Variants in SPTBN1 observed in about 807,000 individuals in gnomAD.
The protein encoded by SPTBN1 is spectrin beta chain, non-erythrocytic 1.
SPTBN1 carries 32 observed loss-of-function variants against 266.4 expected under a neutral mutation model. The ratio of observed to expected loss-of-function variants is 0.12; its 90% CI spans 0.09 to 0.16. The LOEUF (loss-of-function observed/expected upper bound fraction) is 0.16, where lower values mean the gene tolerates loss of function less well. SPTBN1 is among the 10% of genes least tolerant of loss of function. The pLI is 1.00. For missense variants in SPTBN1, 2,296 were observed against 3,067.1 expected (o/e 0.75, Z 5.94); for synonymous variants, 1,336 against 1,162.2 (o/e 1.15, Z -3.04).
At chr2:54,500,329 G>A (rs1669184193) in intron 1 of SPTBN1, among the ~76,000 whole-genome samples, 1 of 152,162 alleles carries the variant, frequency 6.6e-6, no homozygotes, top group Non-Finnish European at 1.5e-5. Context: ...AAGACTCAGT[G>A]GGCCTCAGGT....
chr2:54,587,538 A>G (rs866654420), intron 2 of SPTBN1, among the ~76,000 whole-genome samples: 7 of 152,184 alleles, frequency 4.6e-5, no homozygotes, highest in African/African-American at 1.2e-4. Context: ...TTTTAAGGGC[A>G]TTGCAAGTTA....
chr2:54,629,375 C>G lies in SPTBN1; in HGVS notation c.2241C>G (p.His747Gln). Residue 747 changes from histidine (H) to glutamine (Q), a missense_variant, in exon 14 of 36, where the codon CAC (histidine) becomes CAG (glutamine). Coordinates refer to ENST00000356805, the MANE Select transcript of SPTBN1 (RefSeq NM_003128.3). Reference sequence around the variant, plus strand: ...GCCTGGAGGAGGCCTCCCTGCTGCACCAGTTCCAGGCAGATGCTGATGACA... The same window carrying G: ...GCCTGGAGGAGGCCTCCCTGCTGCAGCAGTTCCAGGCAGATGCTGATGACA... ...KKRLEEASLL[H>Q]QFQADADDID... 1 of 1,614,148 alleles carries G rather than the reference C, an allele frequency of 6.2e-7. No individual in the cohort carries two copies. Among genetic ancestry groups the G allele is most frequent in the Non-Finnish European group, 8.5e-7 (1 of 1,180,052 alleles).
At chr2:54,462,559 A>T (rs1244332721) in intron 1 of SPTBN1, among the ~76,000 whole-genome samples, 1 of 152,192 alleles carries the variant, frequency 6.6e-6, no homozygotes, top group Admixed American at 6.5e-5. Flanking sequence ...ATGAATAATT[A>T]TTGGATACAT....
intron 2 of SPTBN1, among the ~76,000 whole-genome samples, chr2:54,545,789 C>T (rs1672201762): frequency 6.6e-6 from 1 of 152,078 alleles, no homozygotes; most frequent in African/African-American, 2.4e-5. Flanking sequence ...TGGATGGATT[C>T]TGAGGGCCCT....
intron 1 of SPTBN1, among the ~76,000 whole-genome samples, chr2:54,462,839 T>C (rs903825527): frequency 6.6e-6 from 1 of 152,246 alleles, no homozygotes; most frequent in East Asian, 1.9e-4. Context: ...CTCGCTTCTG[T>C]TCCTGGCAGA....
intron 1 of SPTBN1, among the ~76,000 whole-genome samples, chr2:54,470,193 T>C (rs1053712166): frequency 2.0e-5 from 3 of 152,236 alleles, no homozygotes; most frequent in African/African-American, 4.8e-5. Flanking sequence ...AAGGCTGATG[T>C]ATCGTCTTGT....
rs191423227 is a variant in SPTBN1 at position 54,508,584 on chromosome 2, C to T, written c.-47-17788C>T. Reference sequence around the variant, plus strand: ...CTACATGGAAGAGGTTATGAAATGACGAATAGAATGGGCCTGTGAGACTGG... The same window carrying T: ...CTACATGGAAGAGGTTATGAAATGATGAATAGAATGGGCCTGTGAGACTGG... On this transcript the variant is annotated intron_variant, in intron 1 of 35. Coordinates refer to ENST00000356805, the MANE Select transcript of SPTBN1 (RefSeq NM_003128.3). 3.4e-3 allele frequency among the ~76,000 whole-genome samples: 517 copies of T among 152,140 alleles called. 3 individuals carry two copies. Among genetic ancestry groups the T allele is most frequent in the Non-Finnish European group, 3.4e-3 (229 of 68,002 alleles).
rs1227199822 is a variant in SPTBN1, at chr2:54,622,318, G to A, written c.895G>A (p.Glu299Lys). 1.7e-5 allele frequency: 27 copies of A among 1,610,266 alleles called. No individual in the cohort carries two copies. Among genetic ancestry groups the A allele is most frequent in the African/African-American group, 2.7e-5 (2 of 74,770 alleles). The change falls in exon 9 of 36, where the codon GAA (glutamate) becomes AAA (lysine). Residue 299 changes from glutamate (E) to lysine (K), a missense_variant. By Grantham distance (56) the Glu-to-Lys change is moderately conservative. Around this residue, in one of 12 missense-constraint regions of SPTBN1, gnomAD observed 148 missense variants for 203.8 expected, o/e 0.73. Transcript: ENST00000356805. The stretch of plus-strand genomic sequence containing the variant: ...TTGCCAGGTGCTTGACAATGCTATT[G>A]AAACAGAAAAAATGATTGAAAAGTA... ...RIGKVLDNAIETEKMIEKYES... is the reference protein window; with the variant it reads ...RIGKVLDNAIKTEKMIEKYES...
chr2:54,470,728 A>T (rs975831096), intron 1 of SPTBN1, among the ~76,000 whole-genome samples: 8 of 152,128 alleles, frequency 5.3e-5, no homozygotes, highest in Non-Finnish European at 1.2e-4. Context: ...AATCCTAGCT[A>T]CTTGAGAGGC....
chr2:54,632,077 T>TA (rs34563622), intron 16 of SPTBN1, among the ~76,000 whole-genome samples: 4,663 of 120,788 alleles, frequency 0.039, 239 homozygotes, highest in African/African-American at 0.12. Context: ...CCCTGTCTCT[T>TA]AAAAAAAAAA....
intron 1 of SPTBN1, among the ~76,000 whole-genome samples, chr2:54,468,392 C>A (rs1237746763): frequency 6.6e-6 from 1 of 151,980 alleles, no homozygotes; most frequent in Non-Finnish European, 1.5e-5. Flanking sequence ...TAGTGTTTCT[C>A]TTTTAAGCCT....
Position 54,653,735 on chromosome 2 carries a change from A to T in SPTBN1, c.5704A>T (p.Ser1902Cys). ...AWKSLLDACE[S>C]RRVRLVDTGD... ...GAAGTCCCTCCTGGACGCCTGTGAGAGCCGCAGGGTGCGGCTGGTGGACAC... is the reference window on the plus strand; with the variant it reads ...GAAGTCCCTCCTGGACGCCTGTGAGTGCCGCAGGGTGCGGCTGGTGGACAC... The change falls in exon 27 of 36, where the codon AGC (serine) becomes TGC (cysteine). Residue 1902 changes from serine to cysteine, a missense_variant. Physicochemically the swap from Ser to Cys is moderately radical, Grantham distance 112 (BLOSUM62 -1). This residue lies in a region of SPTBN1 where 644 missense variants were observed against 745.3 expected (regional missense o/e 0.86). Transcript: ENST00000356805. The surrounding 1 kb of genome is among the most constrained non-coding windows in gnomAD (Gnocchi z 5.1). 1 of 1,614,204 alleles carries T rather than the reference A, an allele frequency of 6.2e-7. No homozygotes were observed. Among genetic ancestry groups the T allele is most frequent in the Non-Finnish European group, 8.5e-7 (1 of 1,180,012 alleles).
At chr2:54,482,675 C>G (rs1668159396) in intron 1 of SPTBN1, among the ~76,000 whole-genome samples, 1 of 152,210 alleles carries the variant, frequency 6.6e-6, no homozygotes, top group Non-Finnish European at 1.5e-5. Flanking sequence ...TGCTCAGTAG[C>G]CACACATGGC....
Position 54,481,391 on chromosome 2 carries a change from AGTGTGTGTGTGTGTGT to A in SPTBN1, c.-48+24908_-48+24923del, listed in dbSNP as rs72077761. 3.5e-3 allele frequency among the ~76,000 whole-genome samples: 406 copies of A among 117,398 alleles called. 4 individuals carry two copies. Among genetic ancestry groups the A allele is most frequent in the African/African-American group, 9.7e-3 (282 of 29,158 alleles). 77.0% of individuals were successfully genotyped at this position (117,398 alleles called of 152,430 possible). A position where few individuals can be genotyped will look rare whatever the true frequency, so the allele number is the denominator to read the frequency against. The stretch of plus-strand genomic sequence containing the variant: ...GAAGATTAGAGGCTGCAGAAACCTG[AGTGTGTGTGTGTGTGT>A]GTGTGTGTGTGTGTGTGTGTGTGTG... On this transcript the variant is annotated intron_variant, in intron 1 of 35. Transcript: ENST00000356805.
In SPTBN1 at chr2:54,667,657, A is replaced by G. The variant is rs777771695; in HGVS notation, c.6876+11A>G. On this transcript the variant is annotated intron_variant, in intron 35 of 35. Transcript: ENST00000356805. ...CAAGCCAAAGACGATGTAAGTTTCT[A>G]AATGTTATTTCTCTCCACTACTTAG... The G allele has an allele frequency of 1.9e-6, 3 of 1,613,036 alleles. No individual in the cohort carries two copies. Among genetic ancestry groups the G allele is most frequent in the Non-Finnish European group, 1.7e-6 (2 of 1,179,026 alleles).
At chr2:54,586,598 G>C in intron 2 of SPTBN1, among the ~76,000 whole-genome samples, 1 of 152,156 alleles carries the variant, frequency 6.6e-6, no homozygotes, top group South Asian at 2.1e-4. Context: ...AATTCATTCA[G>C]GGATTAGTCA....
chr2:54,585,795 A>T (rs1675252361), intron 2 of SPTBN1, among the ~76,000 whole-genome samples: 1 of 152,208 alleles, frequency 6.6e-6, no homozygotes, highest in African/African-American at 2.4e-5. Flanking sequence ...GGACTAATCC[A>T]AGATGAAAAA....
At chr2:54,644,185 G>A in intron 19 of SPTBN1, 138 bp from the exon 20 acceptor site, 1 of 1,097,188 alleles carries the variant, frequency 9.1e-7, no homozygotes. Context: ...TTATTGAGCA[G>A]TAACTTCATG....
At chr2:54,657,375 A>G (rs1487268700) in intron 29 of SPTBN1, among the ~76,000 whole-genome samples, 1 of 152,230 alleles carries the variant, frequency 6.6e-6, no homozygotes, top group African/African-American at 2.4e-5. Flanking sequence ...TAGCTCATGA[A>G]GTGGGGCCGA....
Sources: gnomAD v4.1 joint callset for allele counts (sites outside exome capture counted in the v4.1 genomes callset) on GRCh38, gnomAD v4.1.1 for gene constraint, gnomAD v4.1.1 regional missense constraint, Gnocchi (gnomAD v3.1) non-coding constraint, MANE v1.5 for transcripts, NCBI Gene and HGNC (gene_info 2026-07-23, HGNC 2026-07-21) for gene names.